The following TMCO4 variants were observed in gnomAD, a reference collection of about 807,000 sequenced individuals.
The protein encoded by TMCO4 is transmembrane and coiled-coil domain-containing protein 4.
TMCO4 carries 58 observed loss-of-function variants against 64.7 expected under a neutral mutation model. The ratio of observed to expected loss-of-function variants is 0.90; its 90% CI spans 0.73 to 1.12. TMCO4 has a LOEUF of 1.12. Among genes scored for constraint, TMCO4 ranks in the 50% most tolerant of loss-of-function variants. TMCO4 has a pLI of 0.00. For synonymous variants in TMCO4, 325 were observed against 346.1 expected, an observed-to-expected ratio of 0.94 and a Z score of 0.68; for missense variants, 780 against 825.9, an observed-to-expected ratio of 0.94 and a Z score of 0.68.
At chr1:19,795,034 G>C (rs191080845) in intron 2 of TMCO4, among the ~76,000 whole-genome samples, 22 of 152,258 alleles carry the variant, frequency 1.4e-4, no homozygotes, top group Non-Finnish European at 2.9e-4. Context: ...TGGGTGTGGA[G>C]TTTCAGATCT....
chr1:19,687,161 G>A (rs747443909), intron 15 of TMCO4, among the ~76,000 whole-genome samples: 6 of 152,110 alleles, frequency 3.9e-5, no homozygotes, highest in Non-Finnish European at 5.9e-5. Flanking sequence ...CATGTTGGCC[G>A]GGCTGGTCTC....
intron 12 of TMCO4, among the ~76,000 whole-genome samples, chr1:19,737,690 AG>A (rs1378573373): frequency 6.6e-6 from 1 of 152,244 alleles, no homozygotes; most frequent in Non-Finnish European, 1.5e-5. Flanking sequence ...GCCAACAGGC[AG>A]CCCCCGGCTG....
chr1:19,756,863 G>C (rs996646090), intron 6 of TMCO4, among the ~76,000 whole-genome samples: 3 of 151,998 alleles, frequency 2.0e-5, no homozygotes, highest in Non-Finnish European at 4.4e-5. Flanking sequence ...ACACAGTTCT[G>C]TTTGCATATT....
At chr1:19,779,154 A>G (rs1161986848) in intron 4 of TMCO4, among the ~76,000 whole-genome samples, 2 of 152,174 alleles carry the variant, frequency 1.3e-5, no homozygotes, top group Non-Finnish European at 2.9e-5. Flanking sequence ...GTGTCTTGAA[A>G]ACACTGCAGA....
At chr1:19,749,518 C>T (rs954934237) in intron 7 of TMCO4, among the ~76,000 whole-genome samples, 3 of 152,152 alleles carry the variant, frequency 2.0e-5, no homozygotes, top group South Asian at 2.1e-4. Context: ...TAGATATGCA[C>T]CACCACGCTT....
intron 14 of TMCO4, among the ~76,000 whole-genome samples, 155 bp downstream of exon 14, chr1:19,700,613 G>A (rs1331641861): frequency 3.3e-5 from 5 of 152,230 alleles, no homozygotes; most frequent in Admixed American, 3.3e-4. Context: ...CACCAGGCCT[G>A]GGCCTGCTCC....
chr1:19,772,331 T>C (rs2043023132), intron 4 of TMCO4, among the ~76,000 whole-genome samples: 1 of 152,164 alleles, frequency 6.6e-6, no homozygotes, highest in Non-Finnish European at 1.5e-5. Flanking sequence ...CGCTGGCTGC[T>C]GCAAAAGTGG....
At chr1:19,712,721 T>C (rs1013041982) in intron 13 of TMCO4, among the ~76,000 whole-genome samples, 1 of 152,188 alleles carries the variant, frequency 6.6e-6, no homozygotes, top group Non-Finnish European at 1.5e-5. Context: ...TGAAAAGGTT[T>C]GAAATATTGC....
intron 13 of TMCO4, among the ~76,000 whole-genome samples, chr1:19,710,076 C>A (rs1183034692): frequency 1.3e-5 from 2 of 151,818 alleles, no homozygotes; most frequent in Non-Finnish European, 2.9e-5. Flanking sequence ...CCACCGTGCC[C>A]AGCCTGGAAT....
At chr1:19,714,858 G>A (rs2095347948) in intron 13 of TMCO4, among the ~76,000 whole-genome samples, 1 of 152,124 alleles carries the variant, frequency 6.6e-6, no homozygotes, top group Non-Finnish European at 1.5e-5. Context: ...AGGAGGTGGA[G>A]GTTGCAGTAA....
intron 8 of TMCO4, 90 bp downstream of exon 8, chr1:19,747,073 C>A: frequency 1.5e-6 from 2 of 1,348,284 alleles, no homozygotes; most frequent in East Asian, 4.6e-5. Flanking sequence ...CCCAGCTGAG[C>A]CCCTGCACTC....
intron 15 of TMCO4, among the ~76,000 whole-genome samples, chr1:19,691,341 T>G (rs1372913527): frequency 1.3e-5 from 2 of 152,018 alleles, no homozygotes; most frequent in Non-Finnish European, 2.9e-5. Context: ...AGTTTAGGGG[T>G]GAAGATACAA....
chr1:19,785,948 T>C (rs1289345356), intron 3 of TMCO4, among the ~76,000 whole-genome samples: 1 of 152,120 alleles, frequency 6.6e-6, no homozygotes, highest in Non-Finnish European at 1.5e-5. Context: ...AGTATGGTGG[T>C]AGAGACAGAC....
intron 15 of TMCO4, among the ~76,000 whole-genome samples, chr1:19,690,356 G>A (rs2050121): frequency 0.63 from 95,552 of 152,102 alleles, 30,311 homozygotes; most frequent in Non-Finnish European, 0.66. Context: ...CTATTGGGCC[G>A]TCAATGGTGG....
rs55783904 is a variant in TMCO4, at chr1:19,685,710, C to CTTTTTTTTTTTTTT, written c.1501-2280_1501-2267dup. ...CTGGGATTTGAATCCAGGCCTGTTTCTTTTTTTTTTTTTTTTTTTTTGAGA... is the reference window on the plus strand; with the variant it reads ...CTGGGATTTGAATCCAGGCCTGTTTCTTTTTTTTTTTTTTTTTTTTTTTTTTTTTTTTTTTGAGA... On this transcript the variant is annotated intron_variant, in intron 15 of 15. Transcript: ENST00000294543. 1.7e-3 allele frequency among the ~76,000 whole-genome samples: 184 copies of CTTTTTTTTTTTTTT among 106,588 alleles called. 12 individuals are homozygous for CTTTTTTTTTTTTTT. Among genetic ancestry groups the CTTTTTTTTTTTTTT allele is most frequent in the Non-Finnish European group, 2.5e-3 (130 of 52,630 alleles). 69.9% of individuals were successfully genotyped at this position (106,588 alleles called of 152,430 possible).
At chr1:19,725,170 A>G (rs2095403411) in intron 13 of TMCO4, among the ~76,000 whole-genome samples, 1 of 152,250 alleles carries the variant, frequency 6.6e-6, no homozygotes, top group African/African-American at 2.4e-5. Context: ...GGATTGACTA[A>G]TGGACCCTAG....
At chr1:19,792,259 T>C (rs2044082832) in intron 2 of TMCO4, among the ~76,000 whole-genome samples, 3 of 152,200 alleles carry the variant, frequency 2.0e-5, no homozygotes, top group Non-Finnish European at 4.4e-5. Flanking sequence ...AATATAGATA[T>C]AGAGTGAGAA....
In TMCO4 at chr1:19,726,814, A is replaced by G. The variant is rs533955966; in HGVS notation, c.1264+10558T>C. 1.6e-3 allele frequency among the ~76,000 whole-genome samples: 243 copies of G among 152,240 alleles called. 1 individual carries two copies. The highest frequency in any genetic ancestry group is 5.8e-3 in the African/African-American group (242 of 41,540). Reference sequence around the variant, plus strand: ...TTGATCTTACAAGCAGGTAGTAGGGATCTCAGTAAATGCCAGTTGAATTTG... The same window carrying G: ...TTGATCTTACAAGCAGGTAGTAGGGGTCTCAGTAAATGCCAGTTGAATTTG... On this transcript the variant is annotated intron_variant, in intron 13 of 15. Transcript: ENST00000294543.
At chr1:19,716,014 A>G (rs993803372) in intron 13 of TMCO4, among the ~76,000 whole-genome samples, 2 of 152,092 alleles carry the variant, frequency 1.3e-5, no homozygotes, top group Non-Finnish European at 2.9e-5. Flanking sequence ...GTAAACCCTC[A>G]ACTATAGAAT....
Sources: allele counts gnomAD v4.1 joint callset (sites outside exome capture counted in the v4.1 genomes callset), GRCh38; gene constraint gnomAD v4.1.1; transcripts MANE v1.5; gene names NCBI Gene and HGNC (gene_info 2026-07-23, HGNC 2026-07-21).